The following MYO10 variants were observed in gnomAD, a reference collection of about 807,000 sequenced individuals.
MYO10 encodes the protein unconventional myosin-X.
In MYO10, 133 loss-of-function variants were observed where a neutral mutation model predicts 257.3. The ratio of observed to expected loss-of-function variants is 0.52; its 90% CI spans 0.45 to 0.60. MYO10 has a LOEUF of 0.60. Ranked by LOEUF, MYO10 falls within the 20% of genes least tolerant of loss-of-function variation. MYO10 has a pLI of 0.00. For missense variants in MYO10, 2,399 were observed against 2,635.7 expected, an observed-to-expected ratio of 0.91 and a Z score of 1.97; for synonymous variants, 1,104 against 1,028.6, an observed-to-expected ratio of 1.07 and a Z score of -1.40.
At chr5:16,697,831 G>A (rs1737827803) in intron 26 of MYO10, among the ~76,000 whole-genome samples, 2 of 152,064 alleles carry the variant, frequency 1.3e-5, no homozygotes, top group African/African-American at 4.8e-5. Context: ...ATGGGAGAAA[G>A]CAGGAAGAGG....
At chr5:16,865,572 A>G (rs1017170296) in intron 2 of MYO10, among the ~76,000 whole-genome samples, 11 of 152,214 alleles carry the variant, frequency 7.2e-5, no homozygotes, top group Admixed American at 1.3e-4. Context: ...GCACTTTGGG[A>G]GGCCGAGGTG....
rs1746436902 is a variant in MYO10 at position 16,936,139 on chromosome 5, G to C, written c.-331C>G. 2 of 370,360 alleles carry C rather than the reference G, an allele frequency of 5.4e-6. No individual in the cohort carries two copies. The highest frequency in any genetic ancestry group is 4.9e-6 in the Non-Finnish European group (1 of 203,038). 22.9% of individuals were successfully genotyped at this position (370,360 alleles called of 1,614,324 possible). On this transcript the variant is annotated 5_prime_UTR_variant, in exon 1 of 41. Transcript: ENST00000513610. Reference sequence around the variant, plus strand: ...AAGGCGGCGGGGTGCTGGCGAGCGCGGCCCCCTCCCTCTGCGCTCCGGCCG... The same window carrying C: ...AAGGCGGCGGGGTGCTGGCGAGCGCCGCCCCCTCCCTCTGCGCTCCGGCCG...
intron 9 of MYO10, among the ~76,000 whole-genome samples, chr5:16,778,503 C>G (rs1741291790): frequency 6.6e-6 from 1 of 151,990 alleles, no homozygotes; most frequent in Non-Finnish European, 1.5e-5. Flanking sequence ...GGGAACCTGC[C>G]CAGGGCTTGT....
chr5:16,818,243 A>C, intron 2 of MYO10, 76 bp from the exon 3 acceptor site: 1 of 1,261,130 alleles, frequency 7.9e-7, no homozygotes, highest in Non-Finnish European at 1.1e-6. Flanking sequence ...CCAAACTGAC[A>C]ATACAATCTC....
At position 16,673,689 on chromosome 5, in the gene MYO10, G is replaced by C; in HGVS notation, c.5165C>G (p.Ala1722Gly). The change falls in exon 36 of 41, where the codon GCT becomes GGT. Residue 1722 changes from alanine (A) to glycine (G), a missense_variant. Coordinates refer to ENST00000513610, the MANE Select transcript of MYO10 (RefSeq NM_012334.3). ...GCAGCTGCCTCTCCTCACCTCCCCA[G>C]CGGTGGTGTGGGAGTTGATGGTGAT... ...CKITINSHTT[A>G]GEVVEKLIRG... The C allele has an allele frequency of 6.2e-7, 1 of 1,613,450 alleles. No individual in the cohort carries two copies. The highest frequency in any genetic ancestry group is 8.5e-7 in the Non-Finnish European group (1 of 1,179,644).
chr5:16,855,097 G>A (rs116272090), intron 2 of MYO10, among the ~76,000 whole-genome samples: 1,841 of 152,082 alleles, frequency 0.012, 34 homozygotes, highest in Middle Eastern at 0.034. Context: ...AATGCAAGTT[G>A]TTAACGAATC....
At chr5:16,688,058 G>C (rs112685086) in intron 28 of MYO10, among the ~76,000 whole-genome samples, 115 of 152,314 alleles carry the variant, frequency 7.6e-4, no homozygotes, top group African/African-American at 2.7e-3. Context: ...AAATTTAGCA[G>C]GTTCATCGTG....
intron 19 of MYO10, among the ~76,000 whole-genome samples, chr5:16,715,017 ACCC>A (rs1272307659): frequency 1.3e-5 from 2 of 151,918 alleles, no homozygotes; most frequent in Non-Finnish European, 2.9e-5. Flanking sequence ...GAGGATGGAT[ACCC>A]CATTTACCTG....
rs1443783822 is a variant in MYO10 at position 16,663,394 on chromosome 5, C to G, written c.*3298G>C. The G allele has an allele frequency of 3.0e-5, 3 of 100,842 alleles. No individual in the cohort carries two copies. Among genetic ancestry groups the G allele is most frequent in the African/African-American group, 8.0e-5 (2 of 25,114 alleles). 6.2% of individuals were successfully genotyped at this position (100,842 alleles called of 1,614,324 possible). A position where few individuals can be genotyped will look rare whatever the true frequency, so the allele number is the denominator to read the frequency against. On this transcript the variant is annotated 3_prime_UTR_variant, in exon 41 of 41. Coordinates refer to ENST00000513610, the MANE Select transcript of MYO10 (RefSeq NM_012334.3). ...CAAATCACCTATATGTATTAGCTTT[C>G]AAAAGATTTAAAAATTAAAAATACT...
intron 2 of MYO10, among the ~76,000 whole-genome samples, chr5:16,840,268 C>G (rs1481193045): frequency 1.3e-5 from 2 of 152,104 alleles, no homozygotes; most frequent in African/African-American, 4.8e-5. Context: ...CAAAATTAGC[C>G]AGGCATGGTG....
At chr5:16,676,879 C>A (rs1404004454) in intron 33 of MYO10, among the ~76,000 whole-genome samples, 1 of 152,122 alleles carries the variant, frequency 6.6e-6, no homozygotes, top group African/African-American at 2.4e-5. Flanking sequence ...TTAATCTGAT[C>A]TTCTGTTATT....
In MYO10 at chr5:16,834,437, C is replaced by T. The variant is rs144270030; in HGVS notation, c.121-16270G>A. On this transcript the variant is annotated intron_variant, in intron 2 of 40. Transcript: ENST00000513610. ...CAATAGCAGGGGGTGCTGAGGACCC[C>T]CTCTCACCACCCTCGTATGGATCAA... is the stretch of plus-strand genomic sequence containing the variant. Among the ~76,000 whole-genome samples the T allele has an allele frequency of 2.2e-4, 34 of 152,180 alleles. No individual in the cohort carries two copies. In the East Asian group the frequency reaches 2.9e-3, roughly 13 times the overall value.
At chr5:16,839,931 G>C (rs1435445892) in intron 2 of MYO10, among the ~76,000 whole-genome samples, 1 of 152,166 alleles carries the variant, frequency 6.6e-6, no homozygotes, top group African/African-American at 2.4e-5. Context: ...TGTCAGGATA[G>C]AGCCTCATTG....
intron 19 of MYO10, 28 bp downstream of exon 19, chr5:16,754,800 C>T (rs751994314): frequency 1.9e-6 from 3 of 1,538,796 alleles, no homozygotes; most frequent in Admixed American, 3.6e-5. Flanking sequence ...CGAGACAGAT[C>T]CCAGCCTAGG....
chr5:16,929,031 C>T (rs1320282438), intron 1 of MYO10, among the ~76,000 whole-genome samples: 1 of 151,266 alleles, frequency 6.6e-6, no homozygotes, highest in African/African-American at 2.4e-5. Flanking sequence ...CAGCTCACTG[C>T]AAGCTCCGCC....
chr5:16,761,427 G>A, intron 17 of MYO10, 37 bp downstream of exon 17: 1 of 1,478,288 alleles, frequency 6.8e-7, no homozygotes, highest in Non-Finnish European at 9.4e-7. Context: ...ATATTCATTT[G>A]CTTGCTAAGT....
intron 2 of MYO10, among the ~76,000 whole-genome samples, chr5:16,863,004 G>GCCGGT (rs1266375070): frequency 6.6e-5 from 10 of 152,170 alleles, no homozygotes; most frequent in African/African-American, 4.8e-5. Context: ...CCGGTCAGAG[G>GCCGGT]CATGCTTGAG....
At chr5:16,931,662 A>C (rs1199566542) in intron 1 of MYO10, among the ~76,000 whole-genome samples, 1 of 152,196 alleles carries the variant, frequency 6.6e-6, no homozygotes, top group Admixed American at 6.6e-5. Flanking sequence ...TTGACAATAG[A>C]AATGTTTTCA....
Position 16,874,794 on chromosome 5 carries a change from C to T in MYO10, c.120+2815G>A, listed in dbSNP as rs914539700. Among the ~76,000 whole-genome samples the T allele has an allele frequency of 5.3e-5, 8 of 152,216 alleles. No homozygotes were observed. In the East Asian group the frequency reaches 1.5e-3, roughly 29 times the overall value. The stretch of plus-strand genomic sequence containing the variant: ...TGCCTGTTACCCAGTTCCAAAGTTG[C>T]TTCCACATTTTCGGGTATCTTTCCA... On this transcript the variant is annotated intron_variant, in intron 2 of 40. Transcript: ENST00000513610.
Sources: allele counts gnomAD v4.1 joint callset (sites outside exome capture counted in the v4.1 genomes callset), GRCh38; gene constraint gnomAD v4.1.1; transcripts MANE v1.5; gene names NCBI Gene and HGNC (gene_info 2026-07-23, HGNC 2026-07-21).